The following GPC6 variants were observed in gnomAD, a reference collection of about 807,000 sequenced individuals.
GPC6 encodes the protein glypican-6.
A neutral mutation model predicts 55.2 loss-of-function variants in GPC6; 14 were observed. The observed-to-expected ratio is 0.25, with a 90% confidence interval of 0.17 to 0.40. The LOEUF (loss-of-function observed/expected upper bound fraction) is 0.40, where lower values mean the gene tolerates loss of function less well. Among genes scored for constraint, GPC6 ranks in the 10% least tolerant of loss-of-function variants. GPC6 has a pLI of 1.00. For synonymous variants in GPC6, 278 were observed against 259.6 expected (o/e 1.07, Z -0.68); for missense variants, 641 against 708.5 (o/e 0.90, Z 1.08).
chr13:93,835,666 C>T (rs564032040), intron 3 of GPC6, among the ~76,000 whole-genome samples: 20 of 152,062 alleles, frequency 1.3e-4, no homozygotes, highest in African/African-American at 4.3e-4. Context: ...GCAGGAGAAT[C>T]GCTTGAACCC....
At chr13:93,720,850 T>C (rs974251901) in intron 2 of GPC6, among the ~76,000 whole-genome samples, 1 of 152,072 alleles carries the variant, frequency 6.6e-6, no homozygotes, top group Non-Finnish European at 1.5e-5. Flanking sequence ...GAGCAGATTG[T>C]TCAGTTTCCA....
chr13:93,441,828 A>G (rs559921647), intron 1 of GPC6, among the ~76,000 whole-genome samples: 1 of 152,302 alleles, frequency 6.6e-6, no homozygotes, highest in Non-Finnish European at 1.5e-5. Flanking sequence ...GCTGAAGTGC[A>G]GTGGCATGAT....
At chr13:93,854,077 C>A (rs1334241951) in intron 3 of GPC6, among the ~76,000 whole-genome samples, 1 of 151,604 alleles carries the variant, frequency 6.6e-6, no homozygotes, top group African/African-American at 2.4e-5. Context: ...GGAAATCATT[C>A]ATGAACACCC....
chr13:94,043,723 G>T (rs1419864776), intron 4 of GPC6, among the ~76,000 whole-genome samples: 4 of 151,704 alleles, frequency 2.6e-5, no homozygotes, highest in Non-Finnish European at 5.9e-5. Context: ...TAACATATTT[G>T]TTAAAGACAG....
rs537885335 is a variant in GPC6 at position 93,535,768 on chromosome 13, G to A, written c.161-9495G>A. On this transcript the variant is annotated intron_variant, in intron 1 of 8. Transcript: ENST00000377047. ...AATTGTCAGAATTTTAAGGAATATC[G>A]GCAGGCTCAGATCAGTGGAAGAGAA... 4.0e-5 allele frequency among the ~76,000 whole-genome samples: 6 copies of A among 150,920 alleles called. No homozygotes were observed. The South Asian group carries it at 1.0e-3, about 26-fold the overall frequency.
intron 4 of GPC6, among the ~76,000 whole-genome samples, chr13:94,128,325 G>A (rs1382206558): frequency 6.6e-6 from 1 of 152,124 alleles, no homozygotes; most frequent in Admixed American, 6.5e-5. Context: ...AGCTGATTTG[G>A]TTGTAGTTGT....
chr13:94,155,685 C>A (rs1007019936), intron 4 of GPC6, among the ~76,000 whole-genome samples: 2 of 152,110 alleles, frequency 1.3e-5, no homozygotes, highest in Admixed American at 1.3e-4. Flanking sequence ...TCTTCTGATA[C>A]GCAAATCTGA....
intron 3 of GPC6, among the ~76,000 whole-genome samples, chr13:93,978,418 G>A (rs147720395): frequency 2.5e-3 from 375 of 152,262 alleles, no homozygotes; most frequent in Non-Finnish European, 3.9e-3. Context: ...GACATATTAA[G>A]TGGATTTATT....
intron 1 of GPC6, among the ~76,000 whole-genome samples, chr13:93,313,659 GA>G (rs1348030179): frequency 6.6e-6 from 1 of 151,906 alleles, no homozygotes; most frequent in Non-Finnish European, 1.5e-5. Context: ...GCATGTAATA[GA>G]TTTTTTTTTT....
chr13:93,334,289 C>T (rs764532017), intron 1 of GPC6, among the ~76,000 whole-genome samples: 1 of 151,994 alleles, frequency 6.6e-6, no homozygotes, highest in Non-Finnish European at 1.5e-5. Context: ...AAAAATCTTA[C>T]CTTGTTCTTC....
intron 1 of GPC6, among the ~76,000 whole-genome samples, chr13:93,371,515 C>T (rs536345097): frequency 6.6e-6 from 1 of 152,002 alleles, no homozygotes; most frequent in African/African-American, 2.4e-5. Context: ...TATAATTCGA[C>T]CTAGCAATGG....
chr13:94,268,429 T>G (rs1891882434), intron 4 of GPC6, among the ~76,000 whole-genome samples: 1 of 152,230 alleles, frequency 6.6e-6, no homozygotes, highest in South Asian at 2.1e-4. Context: ...GAATAATCTT[T>G]TAGCCTGTTT....
intron 4 of GPC6, among the ~76,000 whole-genome samples, chr13:94,279,376 CAAA>C (rs58007143): frequency 2.2e-5 from 3 of 138,706 alleles, no homozygotes; most frequent in Non-Finnish European, 1.6e-5. Flanking sequence ...TGATCTTTTT[CAAA>C]AAAAAAAAAA....
chr13:93,681,519 G>T (rs1019806419), intron 2 of GPC6, among the ~76,000 whole-genome samples: 7 of 152,060 alleles, frequency 4.6e-5, no homozygotes, highest in Non-Finnish European at 1.0e-4. Flanking sequence ...AATCAATTTG[G>T]ATATTCTATG....
intron 2 of GPC6, among the ~76,000 whole-genome samples, chr13:93,658,787 G>A (rs1880797957): frequency 6.6e-6 from 1 of 151,596 alleles, no homozygotes; most frequent in Non-Finnish European, 1.5e-5. Flanking sequence ...CTAATATTTT[G>A]TGAGGATTTT....
chr13:94,030,064 A>G (rs1435560470), intron 4 of GPC6, among the ~76,000 whole-genome samples: 3 of 147,144 alleles, frequency 2.0e-5, no homozygotes, highest in Non-Finnish European at 4.5e-5. Flanking sequence ...GTGCGATGGC[A>G]CGATCTCGGC....
At chr13:93,404,534 C>T (rs768355152) in intron 1 of GPC6, among the ~76,000 whole-genome samples, 26 of 152,054 alleles carry the variant, frequency 1.7e-4, no homozygotes, top group African/African-American at 4.1e-4. Flanking sequence ...CATCTCAGGA[C>T]GTTTTGTGTA....
At chr13:94,003,316 A>C (rs1336783086) in intron 3 of GPC6, among the ~76,000 whole-genome samples, 1 of 152,214 alleles carries the variant, frequency 6.6e-6, no homozygotes, top group Non-Finnish European at 1.5e-5. Flanking sequence ...AAGAACTTAA[A>C]AAAGTTTGAA....
intron 2 of GPC6, among the ~76,000 whole-genome samples, chr13:93,580,435 A>G (rs1566433972): frequency 6.6e-6 from 1 of 152,228 alleles, no homozygotes; most frequent in Admixed American, 6.5e-5. Context: ...GAAGGAGCAC[A>G]TGCAGTCACC....
Sources: allele counts gnomAD v4.1 joint callset (sites outside exome capture counted in the v4.1 genomes callset), GRCh38; gene constraint gnomAD v4.1.1; transcripts MANE v1.5; gene names NCBI Gene and HGNC (gene_info 2026-07-23, HGNC 2026-07-21).